Variants in NFIC observed in about 807,000 individuals in gnomAD.
NFIC encodes nuclear factor 1 C-type.
A neutral mutation model predicts 54.4 loss-of-function variants in NFIC; 12 were observed. The observed-to-expected ratio is 0.22, with a 90% confidence interval of 0.14 to 0.36. NFIC has a LOEUF of 0.36. Ranked by LOEUF, NFIC falls within the 10% of genes least tolerant of loss-of-function variation. The pLI is 1.00. For synonymous variants in NFIC, 322 were observed against 319.2 expected (o/e 1.01, Z -0.09); for missense variants, 575 against 718.2 (o/e 0.80, Z 2.28).
At position 3,456,564 on chromosome 19, in the gene NFIC, GAC is replaced by G. The variant is rs2121930502; in HGVS notation, c.1441_1442del (p.Thr481ValfsTer60). On this transcript the variant is annotated frameshift_variant, in exon 10 of 11. Coordinates refer to ENST00000443272, the MANE Select transcript of NFIC (RefSeq NM_001245002.2). LOFTEE classifies it high-confidence loss of function. ...CCTCCCTGCAGCCTACTCTCCGCCCGACACGTCCCCTGCAAACCGTTCCTTTG... is the reference window on the plus strand; with the variant it reads ...CCTCCCTGCAGCCTACTCTCCGCCCGACGTCCCCTGCAAACCGTTCCTTTG... ...SPTSPSYSPP[D>X]TSPANRSFVG... 2 of 1,552,760 alleles carry G rather than the reference GAC, an allele frequency of 1.3e-6. No homozygotes were observed. Among genetic ancestry groups the G allele is most frequent in the East Asian group, 4.9e-5 (2 of 41,026 alleles).
intron 10 of NFIC, among the ~76,000 whole-genome samples, chr19:3,462,292 G>A (rs1568204763): frequency 1.3e-5 from 2 of 151,896 alleles, no homozygotes; most frequent in Non-Finnish European, 2.9e-5. Flanking sequence ...TGAGGTAGGA[G>A]AATTGCTTGA....
chr19:3,444,128 C>T (rs2082334866), intron 6 of NFIC, among the ~76,000 whole-genome samples: 1 of 137,192 alleles, frequency 7.3e-6, no homozygotes, highest in Non-Finnish European at 1.6e-5. Flanking sequence ...GTCAGATGGG[C>T]GTGTGTGACA....
Position 3,435,110 on chromosome 19 carries a change from G to A in NFIC, c.861G>A (p.Met287Ile). The A allele has an allele frequency of 1.9e-6, 3 of 1,604,746 alleles. No individual in the cohort carries two copies. Among genetic ancestry groups the A allele is most frequent in the Non-Finnish European group, 2.6e-6 (3 of 1,175,506 alleles). The part of the protein sequence containing the change: ...SGSKRHKSGS[M>I]EEDVDTSPGG... ...GCAAGCGGCACAAATCGGGCTCGAT[G>A]GAGGAAGACGTGGACACGAGCCCTG... Residue 287 changes from methionine (M) to isoleucine (I), a missense_variant, in exon 6 of 11, where the codon ATG becomes ATA. Around this residue, in one of 3 missense-constraint regions of NFIC, gnomAD observed 447 missense variants for 526.9 expected, o/e 0.85. Coordinates refer to ENST00000443272, the MANE Select transcript of NFIC (RefSeq NM_001245002.2).
intron 2 of NFIC, among the ~76,000 whole-genome samples, chr19:3,404,697 G>A (rs1424998508): frequency 6.6e-6 from 1 of 152,172 alleles, no homozygotes; most frequent in African/African-American, 2.4e-5. Flanking sequence ...GAAACATCTG[G>A]AACAGGGGAA....
At chr19:3,371,992 T>C (rs1599559441) in intron 1 of NFIC, among the ~76,000 whole-genome samples, 1 of 73,662 alleles carries the variant, frequency 1.4e-5, no homozygotes, top group African/African-American at 5.7e-5. Context: ...TCTCTCCCTC[T>C]CTCTCCCTCT....
intron 10 of NFIC, among the ~76,000 whole-genome samples, chr19:3,462,357 G>A (rs567433920): frequency 4.9e-4 from 74 of 151,984 alleles, no homozygotes; most frequent in Non-Finnish European, 9.3e-4. Flanking sequence ...ACTCCAGCCT[G>A]GGCAACAAGA....
At chr19:3,394,524 C>CCA (rs1318616226) in intron 2 of NFIC, among the ~76,000 whole-genome samples, 1 of 23,104 alleles carries the variant, frequency 4.3e-5, no homozygotes, top group Middle Eastern at 0.019. Context: ...TCCCCACCCA[C>CCA]CCCCCACCCG....
upstream of NFIC, among the ~76,000 whole-genome samples, chr19:3,362,326 A>G (rs2080821733): frequency 6.6e-6 from 1 of 151,824 alleles, no homozygotes; most frequent in Non-Finnish European, 1.5e-5. Flanking sequence ...GGGGGCAGCT[A>G]TATCCATGCG....
At chr19:3,418,506 G>A (rs1224921285) in intron 2 of NFIC, among the ~76,000 whole-genome samples, 1 of 152,200 alleles carries the variant, frequency 6.6e-6, no homozygotes, top group Non-Finnish European at 1.5e-5. Flanking sequence ...AATGATGGAA[G>A]AATGGTCAGC....
In NFIC at chr19:3,463,382, G is replaced by T; in HGVS notation, c.*613G>T. Reference sequence around the variant, plus strand: ...CCCCGGCCGGGCAGCGGAGACCGCAGAGGCGGGCAGGGTGGGGCAGGCGAG... The same window carrying T: ...CCCCGGCCGGGCAGCGGAGACCGCATAGGCGGGCAGGGTGGGGCAGGCGAG... On this transcript the variant is annotated 3_prime_UTR_variant, in exon 11 of 11. Transcript: ENST00000443272. 1 of 986,008 alleles carries T rather than the reference G, an allele frequency of 1.0e-6. No individual in the cohort carries two copies. Among genetic ancestry groups the T allele is most frequent in the Non-Finnish European group, 1.2e-6 (1 of 830,400 alleles). 61.1% of individuals were successfully genotyped at this position (986,008 alleles called of 1,614,324 possible).
At chr19:3,432,087 T>C (rs2082128997) in intron 3 of NFIC, among the ~76,000 whole-genome samples, 1 of 152,130 alleles carries the variant, frequency 6.6e-6, no homozygotes, top group Non-Finnish European at 1.5e-5. Flanking sequence ...TAAACGCCTG[T>C]TGAGTCCATG....
rs796137786 is a variant in NFIC at position 3,453,071 on chromosome 19, CA to C, written c.1269+413del. 6.6e-5 allele frequency among the ~76,000 whole-genome samples: 10 copies of C among 151,800 alleles called. No individual in the cohort carries two copies. Among genetic ancestry groups the C allele is most frequent in the Admixed American group, 1.3e-4 (2 of 15,212 alleles). ...GCAGCATAGCGTGACCCAGTTTCTA[CA>C]AAAAAAATACTTAAAAATGAGCCAC... On this transcript the variant is annotated intron_variant, in intron 8 of 10. Coordinates refer to ENST00000443272, the MANE Select transcript of NFIC (RefSeq NM_001245002.2). The surrounding 1 kb of genome is among the most constrained non-coding windows in gnomAD (Gnocchi z 6.7).
At chr19:3,438,429 C>CTTTTTTTTT (rs59788026) in intron 6 of NFIC, among the ~76,000 whole-genome samples, 2 of 124,094 alleles carry the variant, frequency 1.6e-5, no homozygotes, top group African/African-American at 3.0e-5. Flanking sequence ...CTGAGGGTTT[C>CTTTTTTTTT]TTTTTTTTTT....
intron 6 of NFIC, among the ~76,000 whole-genome samples, chr19:3,439,360 A>T (rs964767143): frequency 2.2e-5 from 3 of 135,992 alleles, no homozygotes; most frequent in African/African-American, 8.5e-5. Context: ...AAAAAAAAAA[A>T]AAAAAAAAAA....
At chr19:3,417,660 C>T (rs1343276999) in intron 2 of NFIC, among the ~76,000 whole-genome samples, 15 of 139,006 alleles carry the variant, frequency 1.1e-4, no homozygotes, top group Non-Finnish European at 1.8e-4. Flanking sequence ...GAGTCTCGCT[C>T]TGTCGCCCAG....
At position 3,466,122 on chromosome 19, in the gene NFIC, T is replaced by C. The variant is rs952308613; in HGVS notation, c.*3353T>C. 2 of 152,130 alleles carry C rather than the reference T, an allele frequency of 1.3e-5. No homozygotes were observed. The highest frequency in any genetic ancestry group is 4.8e-5 in the African/African-American group (2 of 41,408). 9.4% of individuals were successfully genotyped at this position (152,130 alleles called of 1,614,324 possible). A position where few individuals can be genotyped will look rare whatever the true frequency, so the allele number is the denominator to read the frequency against. ...CAGCCATTGGAGGCCCAGCCGAGGG[T>C]CCGGCAGGGCACAGGGACAGCCAGG... On this transcript the variant is annotated 3_prime_UTR_variant, in exon 11 of 11. Transcript: ENST00000443272. The surrounding 1 kb of genome is among the most constrained non-coding windows in gnomAD (Gnocchi z 4.8).
At position 3,417,040 on chromosome 19, in the gene NFIC, G is replaced by T. The variant is rs531886616; in HGVS notation, c.563-8066G>T. 8.3e-4 allele frequency among the ~76,000 whole-genome samples: 110 copies of T among 131,904 alleles called. 1 individual carries two copies. In the South Asian group the frequency reaches 0.015, roughly 18 times the overall value. The allele number at this position is 131,904 out of a possible 152,430, so 86.5% of individuals were successfully genotyped here. On this transcript the variant is annotated intron_variant, in intron 2 of 10. Coordinates refer to ENST00000443272, the MANE Select transcript of NFIC (RefSeq NM_001245002.2). ...CTGGGACTACAGGCGCCCGCCACCAGGCCCAGCTAATTTTTTTTGTATTTT... is the reference window on the plus strand; with the variant it reads ...CTGGGACTACAGGCGCCCGCCACCATGCCCAGCTAATTTTTTTTGTATTTT...
At chr19:3,376,671 C>T (rs2081113868) in intron 1 of NFIC, among the ~76,000 whole-genome samples, 1 of 152,012 alleles carries the variant, frequency 6.6e-6, no homozygotes, top group South Asian at 2.1e-4. Flanking sequence ...GAGTTCAGGG[C>T]CCAAGTGACC....
chr19:3,414,200 CT>C (rs1247162570), intron 2 of NFIC, among the ~76,000 whole-genome samples: 6 of 152,174 alleles, frequency 3.9e-5, no homozygotes, highest in African/African-American at 1.4e-4. Flanking sequence ...CCCGCCAACT[CT>C]TTTAGTAAAG....
Sources: gnomAD v4.1 joint callset for allele counts (sites outside exome capture counted in the v4.1 genomes callset) on GRCh38, gnomAD v4.1.1 for gene constraint, gnomAD v4.1.1 regional missense constraint, Gnocchi (gnomAD v3.1) non-coding constraint, MANE v1.5 for transcripts, NCBI Gene and HGNC (gene_info 2026-07-23, HGNC 2026-07-21) for gene names.